The following SEC22A variants were observed in gnomAD, a reference collection of about 807,000 sequenced individuals.
The protein encoded by SEC22A is vesicle-trafficking protein SEC22a.
A neutral mutation model predicts 35.3 loss-of-function variants in SEC22A; 22 were observed. That is an observed-to-expected ratio of 0.62 (90% confidence interval 0.45 to 0.89). SEC22A has a LOEUF of 0.89. Among genes scored for constraint, SEC22A ranks in the 40% least tolerant of loss-of-function variants. SEC22A has a pLI of 0.00. For synonymous variants in SEC22A, 119 were observed against 129.5 expected (o/e 0.92, Z 0.55); for missense variants, 354 against 362.5 (o/e 0.98, Z 0.19).
intron 4 of SEC22A, among the ~76,000 whole-genome samples, chr3:123,227,949 A>G (rs1268620229): frequency 2.7e-5 from 4 of 149,010 alleles, no homozygotes; most frequent in Non-Finnish European, 6.0e-5. Flanking sequence ...CTCCATCAGA[A>G]AAAAAAAAAA....
rs1451659467 is a variant in SEC22A at position 123,272,285 on chromosome 3, CT to C, written c.*564del. The C allele has an allele frequency of 3.3e-5, 5 of 152,550 alleles. No individual in the cohort carries two copies. Among genetic ancestry groups the C allele is most frequent in the Admixed American group, 3.3e-4 (5 of 15,334 alleles). 9.4% of individuals were successfully genotyped at this position (152,550 alleles called of 1,614,324 possible). ...CTTGAATCTTAACTCTGGAAATCACCTGATGTAGAAGAAGACTGTGATGAGC... is the reference window on the plus strand; with the variant it reads ...CTTGAATCTTAACTCTGGAAATCACCGATGTAGAAGAAGACTGTGATGAGC... On this transcript the variant is annotated 3_prime_UTR_variant, in exon 7 of 7. Coordinates refer to ENST00000492595, the MANE Select transcript of SEC22A (RefSeq NM_012430.5).
In SEC22A at chr3:123,271,876, T is replaced by C; in HGVS notation, c.*154T>C. 1.6e-6 allele frequency: 1 copy of C among 625,496 alleles called. No individual in the cohort carries two copies. 38.7% of individuals were successfully genotyped at this position (625,496 alleles called of 1,614,324 possible). On this transcript the variant is annotated 3_prime_UTR_variant, in exon 7 of 7. Coordinates refer to ENST00000492595, the MANE Select transcript of SEC22A (RefSeq NM_012430.5). ...TTTTAAAATCAGCATGATGTGCCTG[T>C]GAGCATGGAAGAGTCCTCTCAGAAG...
At position 123,209,226 on chromosome 3, in the gene SEC22A, G is replaced by T; in HGVS notation, c.9G>T (p.Met3Ile). 6.2e-7 allele frequency: 1 copy of T among 1,613,932 alleles called. No individual in the cohort carries two copies. The highest frequency in any genetic ancestry group is 1.1e-5 in the South Asian group (1 of 91,028). The change falls in exon 2 of 7, where the codon ATG becomes ATT. Residue 3 changes from methionine (M) to isoleucine (I), a missense_variant. Transcript: ENST00000492595. MS[M>I]ILSASVIRVR... ...CTTCTCTGTTGGTTGAAATGTCTAT[G>T]ATTTTATCTGCCTCAGTCATTCGTG...
chr3:123,258,619 A>G (rs1433085452), intron 5 of SEC22A, among the ~76,000 whole-genome samples: 1 of 152,176 alleles, frequency 6.6e-6, no homozygotes, highest in East Asian at 1.9e-4. Flanking sequence ...TCAGTTGCCC[A>G]ATAACCAGTG....
intron 2 of SEC22A, among the ~76,000 whole-genome samples, chr3:123,218,519 C>CT (rs1937070573): frequency 6.6e-6 from 1 of 151,958 alleles, no homozygotes; most frequent in Admixed American, 6.6e-5. Context: ...GCAGACAAGT[C>CT]TTTGAGACCT....
In SEC22A at chr3:123,248,174, A is replaced by G. The variant is rs185915657; in HGVS notation, c.657+2160A>G. ...CAGGGCAAGGATGTCCCCACTTACC[A>G]CTCTGTCCAACATCATACTGGAAGT... is the stretch of plus-strand genomic sequence containing the variant. On this transcript the variant is annotated intron_variant, in intron 5 of 6. Transcript: ENST00000492595. Among the ~76,000 whole-genome samples the G allele has an allele frequency of 2.6e-5, 4 of 152,276 alleles. No individual in the cohort carries two copies. The East Asian group carries it at 5.8e-4, about 22-fold the overall frequency.
intron 3 of SEC22A, 96 bp from the exon 4 acceptor site, chr3:123,225,007 T>C: frequency 1.3e-6 from 1 of 788,858 alleles, no homozygotes; most frequent in Non-Finnish European, 2.0e-6. Flanking sequence ...TTTTGAATAA[T>C]AAACTACCTG....
chr3:123,251,474 T>C (rs973595083), intron 5 of SEC22A, among the ~76,000 whole-genome samples: 71 of 152,312 alleles, frequency 4.7e-4, no homozygotes, highest in African/African-American at 1.4e-3. Context: ...ATCTGGAAAA[T>C]GAGGGCATTG....
intron 1 of SEC22A, among the ~76,000 whole-genome samples, chr3:123,207,276 T>C (rs564785219): frequency 6.6e-6 from 1 of 152,358 alleles, no homozygotes; most frequent in African/African-American, 2.4e-5. Flanking sequence ...CAGTGAAAAC[T>C]ATCAGCTCCT....
intron 3 of SEC22A, 52 bp downstream of exon 3, chr3:123,223,774 G>A (rs1937172516): frequency 7.2e-7 from 1 of 1,381,926 alleles, no homozygotes; most frequent in Non-Finnish European, 1.0e-6. Context: ...CCAATCATAA[G>A]CAATTTTAAA....
At chr3:123,226,380 A>C (rs1937218043) in intron 4 of SEC22A, among the ~76,000 whole-genome samples, 1 of 152,122 alleles carries the variant, frequency 6.6e-6, no homozygotes, top group Non-Finnish European at 1.5e-5. Context: ...TTTTGGATAA[A>C]ACCCAGTTTA....
chr3:123,247,040 C>T (rs1937572755), intron 5 of SEC22A, among the ~76,000 whole-genome samples: 2 of 152,134 alleles, frequency 1.3e-5, no homozygotes, highest in African/African-American at 4.8e-5. Context: ...GGTTAAAGCT[C>T]GTCTCCCCTT....
intron 6 of SEC22A, among the ~76,000 whole-genome samples, chr3:123,268,388 C>T (rs1405860961): frequency 2.6e-5 from 4 of 152,162 alleles, no homozygotes; most frequent in Non-Finnish European, 5.9e-5. Flanking sequence ...AAAGAAAACT[C>T]AGAGAACCTA....
chr3:123,215,640 T>G (rs1937007053), intron 2 of SEC22A, among the ~76,000 whole-genome samples: 1 of 152,168 alleles, frequency 6.6e-6, no homozygotes, highest in Admixed American at 6.6e-5. Context: ...GACTTAGGAA[T>G]GTAAAGGAGC....
intron 6 of SEC22A, among the ~76,000 whole-genome samples, chr3:123,267,239 A>C (rs979264612): frequency 1.3e-5 from 2 of 150,936 alleles, no homozygotes; most frequent in African/African-American, 4.9e-5. Flanking sequence ...TAAGTCATTT[A>C]TAGTTAATGT....
intron 3 of SEC22A, 66 bp downstream of exon 3, chr3:123,223,788 A>G: frequency 1.7e-6 from 2 of 1,198,078 alleles, no homozygotes; most frequent in South Asian, 3.0e-5. Context: ...TTTTAAATCT[A>G]ATATTGGGTG....
At chr3:123,225,946 A>T (rs1937212307) in intron 4 of SEC22A, among the ~76,000 whole-genome samples, 1 of 152,150 alleles carries the variant, frequency 6.6e-6, no homozygotes, top group South Asian at 2.1e-4. Flanking sequence ...GAGAATATGT[A>T]AACTTTTCTT....
rs1296795882 is a variant in SEC22A, at chr3:123,271,510, T to C, written c.724-12T>C. ...TAACCCTAATCATCTTTCATTTTTA[T>C]ATTTTGAACAGTGTTATTTACTTGT... is the stretch of plus-strand genomic sequence containing the variant. On this transcript the variant is annotated splice_polypyrimidine_tract_variant and intron_variant, in intron 6 of 6. Transcript: ENST00000492595. The C allele has an allele frequency of 5.6e-6, 9 of 1,605,302 alleles. No individual in the cohort carries two copies. Among genetic ancestry groups the C allele is most frequent in the East Asian group, 2.2e-5 (1 of 44,860 alleles).
At chr3:123,227,750 G>A (rs1405890229) in intron 4 of SEC22A, among the ~76,000 whole-genome samples, 3 of 152,082 alleles carry the variant, frequency 2.0e-5, no homozygotes, top group Non-Finnish European at 4.4e-5. Context: ...AGGAGTTCAA[G>A]ACCAGCCTGG....
Sources: gnomAD v4.1 joint callset for allele counts (sites outside exome capture counted in the v4.1 genomes callset) on GRCh38, gnomAD v4.1.1 for gene constraint, MANE v1.5 for transcripts, NCBI Gene and HGNC (gene_info 2026-07-23, HGNC 2026-07-21) for gene names.